CNOT1: variants seen among roughly 807,000 people sequenced by gnomAD.
The protein encoded by CNOT1 is CCR4-associated factor 1.
A neutral mutation model predicts 273.8 loss-of-function variants in CNOT1; 15 were observed. The observed-to-expected ratio is 0.05, with a 90% confidence interval of 0.04 to 0.08. CNOT1 has a LOEUF of 0.08. Among genes scored for constraint, CNOT1 ranks in the 10% least tolerant of loss-of-function variants. CNOT1 has a pLI of 1.00. For missense variants in CNOT1, 1,644 were observed against 2,912.2 expected, an observed-to-expected ratio of 0.56 and a Z score of 10.02; for synonymous variants, 1,022 against 1,005.5, an observed-to-expected ratio of 1.02 and a Z score of -0.31.
chr16:58,588,466 C>G (rs1265025778), intron 3 of CNOT1, among the ~76,000 whole-genome samples: 2 of 152,098 alleles, frequency 1.3e-5, no homozygotes, highest in East Asian at 3.9e-4. Context: ...ATGACAAACT[C>G]TTGCCAGATG....
chr16:58,580,528 C>T (rs1597501463), intron 12 of CNOT1, 105 bp downstream of exon 12: 2 of 1,438,474 alleles, frequency 1.4e-6, no homozygotes, highest in East Asian at 2.6e-5. Context: ...ACTAAAACTA[C>T]TGCTTCATTT....
chr16:58,524,880 C>CTTT (rs2039533829), intron 46 of CNOT1, among the ~76,000 whole-genome samples: 1 of 152,164 alleles, frequency 6.6e-6, no homozygotes, highest in African/African-American at 2.4e-5. Flanking sequence ...AACAATGTAA[C>CTTT]AAGAGGCTAT....
intron 1 of CNOT1, among the ~76,000 whole-genome samples, chr16:58,603,796 TCTGA>T (rs928506461): frequency 1.3e-4 from 20 of 152,242 alleles, no homozygotes; most frequent in Admixed American, 1.2e-3. Flanking sequence ...GTGAAGACAC[TCTGA>T]CTATCCTATG....
chr16:58,585,496 T>C lies in CNOT1; in HGVS notation c.648A>G (p.Gln216=). The C allele has an allele frequency of 6.2e-7, 1 of 1,611,410 alleles. No individual in the cohort carries two copies. The highest frequency in any genetic ancestry group is 8.5e-7 in the Non-Finnish European group (1 of 1,179,574). ...FLKTLRRDFP[Q]ERCPVVLAPL... is the part of the protein sequence containing the mutation. Reference sequence around the variant, plus strand: ...GTGCGAGCACCACGGGACAGCGTTCTTGGGGAAAATCTGAGAGAGGAAAAA... The same window carrying C: ...GTGCGAGCACCACGGGACAGCGTTCCTGGGGAAAATCTGAGAGAGGAAAAA... Residue 216 remains glutamine (Q), a synonymous_variant, in exon 8 of 49, where the codon CAA becomes CAG. Transcript: ENST00000317147.
intron 25 of CNOT1, among the ~76,000 whole-genome samples, chr16:58,548,344 T>C (rs1036783642): frequency 4.6e-5 from 7 of 152,018 alleles, no homozygotes; most frequent in African/African-American, 1.7e-4. Context: ...TATGCACACA[T>C]GTATATACCC....
intron 31 of CNOT1, 41 bp from the exon 32 acceptor site, chr16:58,542,609 GAA>G: frequency 2.0e-6 from 3 of 1,532,734 alleles, no homozygotes; most frequent in Non-Finnish European, 2.7e-6. Flanking sequence ...GGAATAGAAG[GAA>G]AAAGACTTGA....
chr16:58,616,449 G>A (rs1156611548), intron 1 of CNOT1, among the ~76,000 whole-genome samples: 1 of 152,010 alleles, frequency 6.6e-6, no homozygotes, highest in Non-Finnish European at 1.5e-5. Flanking sequence ...TACAGATGGG[G>A]TCTTGCTATA....
At position 58,520,340 on chromosome 16, in the gene CNOT1, A is replaced by G. The variant is rs1028503540; in HGVS notation, c.*618T>C. The G allele has an allele frequency of 1.3e-5, 2 of 152,774 alleles. No individual in the cohort carries two copies. The highest frequency in any genetic ancestry group is 2.4e-5 in the African/African-American group (1 of 41,442). 9.5% of individuals were successfully genotyped at this position (152,774 alleles called of 1,614,324 possible). On this transcript the variant is annotated 3_prime_UTR_variant, in exon 49 of 49. Transcript: ENST00000317147. Reference sequence around the variant, plus strand: ...CTGAGGTGTATAATCCCCAAAAGAAATAAGATGGTACAAATGCAGTCAGCT... The same window carrying G: ...CTGAGGTGTATAATCCCCAAAAGAAGTAAGATGGTACAAATGCAGTCAGCT...
intron 35 of CNOT1, 39 bp downstream of exon 35, chr16:58,539,729 C>T (rs748484092): frequency 2.6e-6 from 4 of 1,566,130 alleles, no homozygotes; most frequent in Non-Finnish European, 3.5e-6. Flanking sequence ...AATGTTTACA[C>T]ACCTAGCATT....
At chr16:58,563,889 T>C (rs540332164) in intron 16 of CNOT1, among the ~76,000 whole-genome samples, 1 of 152,306 alleles carries the variant, frequency 6.6e-6, no homozygotes, top group Admixed American at 6.5e-5. Flanking sequence ...CAATTATACA[T>C]TGGTAAAAAT....
At chr16:58,596,607 G>A (rs932548266) in intron 2 of CNOT1, among the ~76,000 whole-genome samples, 1 of 152,054 alleles carries the variant, frequency 6.6e-6, no homozygotes. Flanking sequence ...TCAATTTACC[G>A]CTGGGCACAG....
At chr16:58,610,613 G>C (rs1159774015) in intron 1 of CNOT1, among the ~76,000 whole-genome samples, 1 of 152,154 alleles carries the variant, frequency 6.6e-6, no homozygotes, top group Non-Finnish European at 1.5e-5. Flanking sequence ...GGAGGCCAAG[G>C]AGGGCGGATC....
At chr16:58,524,879 A>G (rs751596803) in intron 46 of CNOT1, among the ~76,000 whole-genome samples, 2 of 152,244 alleles carry the variant, frequency 1.3e-5, no homozygotes, top group African/African-American at 2.4e-5. Context: ...AAACAATGTA[A>G]CAAGAGGCTA....
intron 47 of CNOT1, 35 bp from the exon 48 acceptor site, chr16:58,521,352 G>T: frequency 1.3e-6 from 2 of 1,563,274 alleles, no homozygotes; most frequent in Non-Finnish European, 1.7e-6. Flanking sequence ...TTAATGTATA[G>T]AAGCATACAA....
chr16:58,617,161 A>G (rs1325506433), intron 1 of CNOT1, among the ~76,000 whole-genome samples: 1 of 151,900 alleles, frequency 6.6e-6, no homozygotes, highest in Non-Finnish European at 1.5e-5. Context: ...GGAGTTTGAG[A>G]CCCATCTGGG....
chr16:58,547,766 T>TA lies in CNOT1; in HGVS notation c.3523-85dup. ...TAAGTATTTGAGAATTCCATTATCC[T>TA]ATCCTAAAGACAAGTCATCATTTCT... On this transcript the variant is annotated intron_variant, in intron 25 of 48. Transcript: ENST00000317147. This position sits in a 1 kb window ranked among gnomAD's most constrained non-coding sequence, Gnocchi z 4.0. The TA allele has an allele frequency of 7.6e-7, 1 of 1,312,448 alleles. No homozygotes were observed. The highest frequency in any genetic ancestry group is 1.0e-6 in the Non-Finnish European group (1 of 968,844). The allele number at this position is 1,312,448 out of a possible 1,614,324, so 81.3% of individuals were successfully genotyped here.
chr16:58,590,615 A>C (rs1223073848), intron 2 of CNOT1, among the ~76,000 whole-genome samples: 1 of 151,956 alleles, frequency 6.6e-6, no homozygotes, highest in Non-Finnish European at 1.5e-5. Flanking sequence ...AAAATAGAAC[A>C]GAGTCTGGGT....
chr16:58,523,745 A>C, intron 46 of CNOT1: 1 of 330,898 alleles, frequency 3.0e-6, no homozygotes, highest in Non-Finnish European at 5.6e-6. Flanking sequence ...GTGCTAATGT[A>C]AGAAACATGA....
Position 58,613,330 on chromosome 16 carries a change from C to CCTACAAGGACTTTGTTTTTA in CNOT1, c.-174-13820_-174-13819insTAAAAACAAAGTCCTTGTAG, listed in dbSNP as rs1271593879. ...TACAGGCTTGAGTCACCACGCCTGGCTTAGAGGTTAAGTCTAAAACAAGCA... is the reference window on the plus strand; with the variant it reads ...TACAGGCTTGAGTCACCACGCCTGGCCTACAAGGACTTTGTTTTTATTAGAGGTTAAGTCTAAAACAAGCA... On this transcript the variant is annotated intron_variant, in intron 1 of 48. Transcript: ENST00000317147. Among the ~76,000 whole-genome samples, 602 of 133,664 alleles carry CCTACAAGGACTTTGTTTTTA rather than the reference C, an allele frequency of 4.5e-3. 51 individuals carry two copies. The highest frequency in any genetic ancestry group is 5.7e-3 in the Non-Finnish European group (331 of 57,592). 87.7% of individuals were successfully genotyped at this position (133,664 alleles called of 152,430 possible).
Sources: allele counts gnomAD v4.1 joint callset (sites outside exome capture counted in the v4.1 genomes callset), GRCh38; gene constraint gnomAD v4.1.1; non-coding constraint Gnocchi (gnomAD v3.1); transcripts MANE v1.5; gene names NCBI Gene and HGNC (gene_info 2026-07-23, HGNC 2026-07-21).